NCALD: variants seen among roughly 807,000 people sequenced by gnomAD.
NCALD encodes neurocalcin-delta.
NCALD carries 10 observed loss-of-function variants against 18.6 expected under a neutral mutation model. The observed-to-expected ratio is 0.54, with a 90% CI of 0.33 to 0.91. NCALD has a LOEUF of 0.91. Among genes scored for constraint, NCALD ranks in the 40% least tolerant of loss-of-function variants. The pLI is 0.03. For synonymous variants in NCALD, 88 were observed against 87.4 expected, an observed-to-expected ratio of 1.01 and a Z score of -0.04; for missense variants, 184 against 247.6, an observed-to-expected ratio of 0.74 and a Z score of 1.72.
At chr8:102,004,449 A>G (rs1821613380) in intron 2 of NCALD, among the ~76,000 whole-genome samples, 1 of 152,140 alleles carries the variant, frequency 6.6e-6, no homozygotes, top group African/African-American at 2.4e-5. Context: ...AAATGGCCAT[A>G]CTGCCCAAGG....
At chr8:101,788,117 A>G (rs1812302796) in intron 1 of NCALD, among the ~76,000 whole-genome samples, 2 of 152,340 alleles carry the variant, frequency 1.3e-5, no homozygotes, top group African/African-American at 4.8e-5. Context: ...TGCAGAATTT[A>G]GAGAACATTG....
intron 2 of NCALD, among the ~76,000 whole-genome samples, chr8:101,938,268 T>C (rs1018442163): frequency 2.6e-5 from 4 of 152,250 alleles, no homozygotes; most frequent in African/African-American, 9.6e-5. Flanking sequence ...ATGATACATA[T>C]ACATATTTAA....
intron 2 of NCALD, among the ~76,000 whole-genome samples, chr8:101,708,954 C>T (rs1336664400): frequency 6.6e-6 from 1 of 152,118 alleles, no homozygotes; most frequent in African/African-American, 2.4e-5. Context: ...AAATATCAAT[C>T]TGCTTTGTCC....
At chr8:101,766,234 G>A (rs1237172470) in intron 1 of NCALD, among the ~76,000 whole-genome samples, 1 of 152,148 alleles carries the variant, frequency 6.6e-6, no homozygotes, top group Non-Finnish European at 1.5e-5. Context: ...TGCCCATCAG[G>A]AGAAAAAGAA....
At chr8:101,968,628 T>C (rs919683719) in intron 2 of NCALD, among the ~76,000 whole-genome samples, 4 of 152,130 alleles carry the variant, frequency 2.6e-5, no homozygotes, top group African/African-American at 9.7e-5. Flanking sequence ...TGCACTGTTA[T>C]GGCCCAGTAC....
At chr8:101,793,348 T>C (rs915514071), upstream of NCALD, among the ~76,000 whole-genome samples, 3 of 128,896 alleles carry the variant, frequency 2.3e-5, no homozygotes, top group African/African-American at 9.4e-5. Context: ...AGACTCCGTC[T>C]CAAAAAAAAA....
At chr8:101,793,627 T>C (rs1812530512), upstream of NCALD, among the ~76,000 whole-genome samples, 1 of 152,196 alleles carries the variant, frequency 6.6e-6, no homozygotes, top group South Asian at 2.1e-4. Context: ...TAGTTGAAAG[T>C]ATCACAGGAA....
chr8:101,989,742 T>C (rs1227023997), intron 2 of NCALD, among the ~76,000 whole-genome samples: 1 of 152,220 alleles, frequency 6.6e-6, no homozygotes, highest in Non-Finnish European at 1.5e-5. Flanking sequence ...AATAAGTGAC[T>C]TATGGACTAA....
chr8:101,888,903 T>C (rs889405538), intron 3 of NCALD, among the ~76,000 whole-genome samples: 1 of 152,148 alleles, frequency 6.6e-6, no homozygotes, highest in Non-Finnish European at 1.5e-5. Flanking sequence ...GGGGAAGACA[T>C]TGCCAGTTGC....
intron 3 of NCALD, among the ~76,000 whole-genome samples, chr8:101,898,000 T>G (rs1340664382): frequency 6.6e-6 from 1 of 152,036 alleles, no homozygotes; most frequent in African/African-American, 2.4e-5. Context: ...TGTCAGGGGC[T>G]TCCCCCTTTG....
At chr8:101,830,882 C>A (rs535083681) in intron 4 of NCALD, among the ~76,000 whole-genome samples, 1 of 151,854 alleles carries the variant, frequency 6.6e-6, no homozygotes, top group East Asian at 2.0e-4. Flanking sequence ...CTTGTCCATT[C>A]TGTCAGAGTA....
intron 1 of NCALD, among the ~76,000 whole-genome samples, chr8:102,105,273 T>G (rs1825408887): frequency 6.6e-6 from 1 of 152,162 alleles, no homozygotes; most frequent in East Asian, 1.9e-4. Flanking sequence ...ACAAAAAATG[T>G]TTATCACAGT....
intron 2 of NCALD, among the ~76,000 whole-genome samples, chr8:101,994,391 G>A (rs746882334): frequency 4.8e-4 from 73 of 152,070 alleles, no homozygotes; most frequent in Non-Finnish European, 8.7e-4. Context: ...TGGCCCAGCA[G>A]AGTTTTTCCC....
chr8:101,733,921 TTTTTG>T (rs1462841264), intron 1 of NCALD, among the ~76,000 whole-genome samples: 2 of 152,162 alleles, frequency 1.3e-5, no homozygotes, highest in Admixed American at 6.5e-5. Context: ...TGAAGGCTGC[TTTTTG>T]TTTTGTTTTG....
chr8:101,908,396 T>C (rs1364687580), intron 3 of NCALD, among the ~76,000 whole-genome samples: 1 of 152,192 alleles, frequency 6.6e-6, no homozygotes, highest in Non-Finnish European at 1.5e-5. Flanking sequence ...TCAAGGCTGT[T>C]GCAACTTTCC....
chr8:101,799,138 G>C (rs2131064550), intron 4 of NCALD, among the ~76,000 whole-genome samples: 1 of 151,956 alleles, frequency 6.6e-6, no homozygotes, highest in East Asian at 1.9e-4. Flanking sequence ...ATAGACAAAA[G>C]ACATGAAGAG....
chr8:102,050,682 T>C (rs1241202387), intron 1 of NCALD, among the ~76,000 whole-genome samples: 1 of 147,684 alleles, frequency 6.8e-6, no homozygotes, highest in Non-Finnish European at 1.5e-5. Flanking sequence ...TATTCTACCA[T>C]TTATGTTTGT....
At chr8:102,121,963 A>G (rs1421592388) in intron 1 of NCALD, among the ~76,000 whole-genome samples, 1 of 152,210 alleles carries the variant, frequency 6.6e-6, no homozygotes, top group Non-Finnish European at 1.5e-5. Context: ...ATGTTTGTTT[A>G]TTCATTCAAC....
chr8:101,837,365 C>T (rs1814457138), intron 4 of NCALD, among the ~76,000 whole-genome samples: 1 of 152,164 alleles, frequency 6.6e-6, no homozygotes, highest in Admixed American at 6.5e-5. Flanking sequence ...GTGTAAGTGA[C>T]ATGTGACAAA....
Sources: gnomAD v4.1 joint callset for allele counts (sites outside exome capture counted in the v4.1 genomes callset) on GRCh38, gnomAD v4.1.1 for gene constraint, MANE v1.5 for transcripts, NCBI Gene and HGNC (gene_info 2026-07-23, HGNC 2026-07-21) for gene names.